CLPB: variants seen among roughly 807,000 people sequenced by gnomAD.
The protein encoded by CLPB is mitochondrial disaggregase.
A neutral mutation model predicts 78.4 loss-of-function variants in CLPB; 40 were observed. The observed-to-expected ratio is 0.51, with a 90% confidence interval of 0.40 to 0.66. The LOEUF (loss-of-function observed/expected upper bound fraction) is 0.66. Among genes scored for constraint, CLPB ranks in the 30% least tolerant of loss-of-function variants. The probability of loss-of-function intolerance (pLI) is 0.00; values close to 1 mark genes in which losing one functional copy is unlikely to be tolerated. For synonymous variants in CLPB, 333 were observed against 348.0 expected (o/e 0.96, Z 0.48); for missense variants, 780 against 886.9 (o/e 0.88, Z 1.53).
Position 72,308,619 on chromosome 11 carries a change from A to G in CLPB, c.989-15T>C. On this transcript the variant is annotated splice_polypyrimidine_tract_variant and intron_variant, in intron 7 of 15. Transcript: ENST00000538039. ...CCTCCGGATCGCTACGGCCAAACAC[A>G]CAAGATCAGGGGACAGGGAGGGAGG... 6.2e-7 allele frequency: 1 copy of G among 1,611,786 alleles called. No homozygotes were observed. Among genetic ancestry groups the G allele is most frequent in the Non-Finnish European group, 8.5e-7 (1 of 1,177,830 alleles).
intron 3 of CLPB, among the ~76,000 whole-genome samples, chr11:72,388,452 C>A (rs966809760): frequency 4.6e-5 from 7 of 152,128 alleles, no homozygotes; most frequent in Non-Finnish European, 7.4e-5. Flanking sequence ...GGGGTTTCAC[C>A]GTGTTAGCCA....
intron 11 of CLPB, among the ~76,000 whole-genome samples, chr11:72,298,912 T>A (rs140777538): frequency 4.0e-4 from 61 of 152,308 alleles, no homozygotes; most frequent in Non-Finnish European, 7.6e-4. Context: ...GTTACAGACC[T>A]CATCCATTCC....
At chr11:72,321,813 T>C (rs1461222322) in intron 6 of CLPB, among the ~76,000 whole-genome samples, 2 of 152,138 alleles carry the variant, frequency 1.3e-5, no homozygotes, top group African/African-American at 4.8e-5. Flanking sequence ...CTGCTACTCA[T>C]AGATAAACTC....
chr11:72,364,061 A>G (rs574808742), intron 4 of CLPB, among the ~76,000 whole-genome samples: 2 of 152,284 alleles, frequency 1.3e-5, no homozygotes, highest in East Asian at 3.9e-4. Flanking sequence ...AGTTGTCTAC[A>G]ACCCACCAGA....
chr11:72,369,661 T>C (rs1242425829), intron 4 of CLPB, among the ~76,000 whole-genome samples: 2 of 152,192 alleles, frequency 1.3e-5, no homozygotes, highest in African/African-American at 4.8e-5. Flanking sequence ...TAATAGCCAA[T>C]TCCAAGCCAA....
intron 1 of CLPB, among the ~76,000 whole-genome samples, chr11:72,430,797 CA>C (rs1856524650): frequency 6.6e-6 from 1 of 152,122 alleles, no homozygotes; most frequent in Non-Finnish European, 1.5e-5. Context: ...GTCATAAACC[CA>C]AAAGGAAAGG....
intron 2 of CLPB, chr11:72,408,290 A>G: frequency 1.1e-6 from 1 of 946,390 alleles, no homozygotes; most frequent in Admixed American, 2.1e-5. Context: ...TAGCTGTGAA[A>G]TGGAAGATAT....
chr11:72,424,872 T>G (rs540829629), intron 2 of CLPB, among the ~76,000 whole-genome samples: 25 of 151,568 alleles, frequency 1.6e-4, no homozygotes, highest in South Asian at 4.2e-4. Flanking sequence ...GGGGACAGAA[T>G]GAGACTCCGT....
Position 72,434,444 on chromosome 11 carries a change from CT to C in CLPB, c.30del (p.Ala11HisfsTer27). 6.4e-7 allele frequency: 1 copy of C among 1,570,980 alleles called. No individual in the cohort carries two copies. Among genetic ancestry groups the C allele is most frequent in the East Asian group, 2.3e-5 (1 of 44,358 alleles). On this transcript the variant is annotated frameshift_variant, in exon 1 of 16. Transcript: ENST00000538039. LOFTEE classifies it high-confidence loss of function. ...CGGAGGAGTAGCCGTGGCGCCAGTG[CT>C]TTTCTCCTCAACACCAGGGACCCCA... MLGSLVLRR[K>X]ALAPRLLLRL...
intron 9 of CLPB, among the ~76,000 whole-genome samples, chr11:72,305,596 G>A (rs569639444): frequency 5.0e-4 from 76 of 152,352 alleles, no homozygotes; most frequent in Non-Finnish European, 9.8e-4. Flanking sequence ...ACCGGAACCT[G>A]AAGCAAAGAA....
intron 11 of CLPB, among the ~76,000 whole-genome samples, chr11:72,298,655 G>A (rs1949600942): frequency 6.6e-6 from 1 of 152,170 alleles, no homozygotes; most frequent in Non-Finnish European, 1.5e-5. Context: ...ATGTCACTAT[G>A]CCCAGCTGAT....
intron 7 of CLPB, among the ~76,000 whole-genome samples, chr11:72,313,318 G>A (rs930334234): frequency 2.0e-5 from 3 of 152,162 alleles, no homozygotes; most frequent in African/African-American, 7.2e-5. Context: ...CTGATGCCTT[G>A]GGTTTGGTGG....
At position 72,434,192 on chromosome 11, in the gene CLPB, C is replaced by T; in HGVS notation, c.283G>A (p.Glu95Lys). Reference sequence around the variant, plus strand: ...CTGTCCTGTCCTGGGAGTGTTTCTTCGGGACCAGGAAGGCGTCCCCAAGTG... The same window carrying T: ...CTGTCCTGTCCTGGGAGTGTTTCTTTGGGACCAGGAAGGCGTCCCCAAGTG... ...AATWGRLPGP[E>K]ETLPGQDSWN... The change falls in exon 1 of 16, where the codon GAA becomes AAA. Residue 95 changes from glutamate (E) to lysine (K), a missense_variant. By Grantham distance (56) the Glu-to-Lys change is moderately conservative. Around this residue, in one of 3 missense-constraint regions of CLPB, gnomAD observed 417 missense variants for 414.7 expected, o/e 1.01. Coordinates refer to ENST00000538039, the MANE Select transcript of CLPB (RefSeq NM_001258392.3). 1 of 1,613,432 alleles carries T rather than the reference C, an allele frequency of 6.2e-7. No individual in the cohort carries two copies. Among genetic ancestry groups the T allele is most frequent in the Non-Finnish European group, 8.5e-7 (1 of 1,180,002 alleles).
At chr11:72,328,358 G>A (rs1950164786) in intron 6 of CLPB, among the ~76,000 whole-genome samples, 1 of 152,160 alleles carries the variant, frequency 6.6e-6, no homozygotes. Flanking sequence ...TGAAATTTGG[G>A]GTTGTTACAA....
rs1290799977 is a variant in CLPB at position 72,293,634 on chromosome 11, A to C, written c.1786-19T>G. On this transcript the variant is annotated intron_variant, in intron 15 of 15. Coordinates refer to ENST00000538039, the MANE Select transcript of CLPB (RefSeq NM_001258392.3). ...GTTCTACCTGTCGGTGGGGAGGTGA[A>C]GTGGTCACTCCCTCGGCCTGGACCC... 6.2e-7 allele frequency: 1 copy of C among 1,603,744 alleles called. No homozygotes were observed. Among genetic ancestry groups the C allele is most frequent in the African/African-American group, 1.3e-5 (1 of 74,852 alleles).
chr11:72,369,798 C>T (rs1951009837), intron 4 of CLPB, among the ~76,000 whole-genome samples: 1 of 152,038 alleles, frequency 6.6e-6, no homozygotes, highest in African/African-American at 2.4e-5. Context: ...AGTGTGTCTA[C>T]ATATATATTT....
chr11:72,376,449 G>A (rs902378363), intron 4 of CLPB, among the ~76,000 whole-genome samples: 4 of 151,704 alleles, frequency 2.6e-5, no homozygotes, highest in Admixed American at 6.6e-5. Flanking sequence ...GGTCCAAGTC[G>A]GAACGTTCAG....
intron 2 of CLPB, among the ~76,000 whole-genome samples, chr11:72,422,910 C>T (rs1856252943): frequency 6.6e-6 from 1 of 152,220 alleles, no homozygotes; most frequent in Admixed American, 6.5e-5. Flanking sequence ...CAGCAAGTGC[C>T]TCAAGCCCCA....
In CLPB at chr11:72,430,084, AT is replaced by A. The variant is rs199923190; in HGVS notation, c.455+227del. Among the ~76,000 whole-genome samples, 1,018 of 152,354 alleles carry A rather than the reference AT, an allele frequency of 6.7e-3. 11 individuals carry two copies. Among genetic ancestry groups the A allele is most frequent in the African/African-American group, 0.023 (975 of 41,586 alleles). On this transcript the variant is annotated intron_variant, in intron 2 of 15. Coordinates refer to ENST00000538039, the MANE Select transcript of CLPB (RefSeq NM_001258392.3). ...CCAAACCAACCCAGTGAAGAACAAA[AT>A]AGCTGAAGGATCCAGGGATGTTTGG...
Sources: allele counts gnomAD v4.1 joint callset (sites outside exome capture counted in the v4.1 genomes callset), GRCh38; gene constraint gnomAD v4.1.1; regional missense constraint gnomAD v4.1.1; transcripts MANE v1.5; gene names NCBI Gene and HGNC (gene_info 2026-07-23, HGNC 2026-07-21).